The following NLGN4X variants were observed in gnomAD, a reference collection of about 807,000 sequenced individuals.
NLGN4X encodes neuroligin 4 X-linked.
In NLGN4X, 3 loss-of-function variants were observed where a neutral mutation model predicts 40.3. The observed-to-expected ratio is 0.07, with a 90% CI of 0.03 to 0.19. The LOEUF is 0.19. NLGN4X is among the 10% of genes least tolerant of loss of function. The probability of loss-of-function intolerance (pLI) is 1.00; values close to 1 mark genes in which losing one functional copy is unlikely to be tolerated. For synonymous variants in NLGN4X, 270 were observed against 306.8 expected (o/e 0.88, Z 1.25); for missense variants, 382 against 708.3 (o/e 0.54, Z 5.23).
chrX:6,035,203 T>C (rs1370691424), intron 2 of NLGN4X, among the ~76,000 whole-genome samples: 1 of 112,216 alleles, frequency 8.9e-6, no homozygotes, highest in Non-Finnish European at 1.9e-5. Context: ...ATTGGGAATA[T>C]GGTTGGCAAA....
At chrX:5,950,849 G>T (rs1459700820) in intron 3 of NLGN4X, among the ~76,000 whole-genome samples, 1 of 111,732 alleles carries the variant, frequency 8.9e-6, no homozygotes, top group African/African-American at 3.3e-5. Context: ...ATTCCCAGCT[G>T]CCTTCACTCT....
intron 2 of NLGN4X, among the ~76,000 whole-genome samples, chrX:6,059,030 A>G (rs1277924713): frequency 1.8e-5 from 2 of 111,419 alleles, no homozygotes; most frequent in Non-Finnish European, 3.8e-5. Flanking sequence ...TATTGATCAA[A>G]GTGAATTAGA....
chrX:6,208,592 C>G (rs1354918544), intron 1 of NLGN4X, among the ~76,000 whole-genome samples: 1 of 112,042 alleles, frequency 8.9e-6, no homozygotes, highest in African/African-American at 3.2e-5. Flanking sequence ...AACCCAAAAA[C>G]CAGTGAAATT....
At chrX:6,149,951 G>A (rs1389292239) in intron 2 of NLGN4X, among the ~76,000 whole-genome samples, 1 of 106,263 alleles carries the variant, frequency 9.4e-6, no homozygotes, top group Non-Finnish European at 1.9e-5. Flanking sequence ...GTTTTCCAGG[G>A]ATTGAAGTTT....
chrX:6,096,965 G>T (rs1371039375), intron 2 of NLGN4X, among the ~76,000 whole-genome samples: 4 of 110,221 alleles, frequency 3.6e-5, no homozygotes, highest in Non-Finnish European at 7.6e-5. Flanking sequence ...GTGTGTGTGT[G>T]TGTGTGTGTG....
In NLGN4X at chrX:6,027,021, T is replaced by C. The variant is rs767350119; in HGVS notation, c.625+2259A>G. On this transcript the variant is annotated intron_variant, in intron 3 of 5. Coordinates refer to ENST00000381095, the MANE Select transcript of NLGN4X (RefSeq NM_181332.3). The stretch of plus-strand genomic sequence containing the variant: ...CTATCTTATCAGACACATCAATTCA[T>C]CACGCATGCAACAGAATATTGTGTG... 2.7e-5 allele frequency among the ~76,000 whole-genome samples: 3 copies of C among 111,821 alleles called. No homozygotes were observed. The South Asian group carries it at 1.1e-3, about 42-fold the overall frequency.
chrX:6,183,080 T>C (rs1337096440), intron 1 of NLGN4X, among the ~76,000 whole-genome samples: 2 of 111,873 alleles, frequency 1.8e-5, no homozygotes, highest in African/African-American at 3.3e-5. Context: ...CATTTCCAAA[T>C]AGAGAAGACA....
At chrX:5,963,602 A>G (rs900509266) in intron 3 of NLGN4X, among the ~76,000 whole-genome samples, 3 of 111,976 alleles carry the variant, frequency 2.7e-5, no homozygotes, top group Non-Finnish European at 3.8e-5. Context: ...TAACACAACT[A>G]ACTGTTCTTA....
At chrX:6,048,736 A>G (rs1183597625) in intron 2 of NLGN4X, among the ~76,000 whole-genome samples, 1 of 110,081 alleles carries the variant, frequency 9.1e-6, no homozygotes, top group African/African-American at 3.3e-5. Flanking sequence ...CAGCAAACTA[A>G]TGCAGGAACA....
chrX:6,128,746 A>G (rs1255982076), intron 2 of NLGN4X, among the ~76,000 whole-genome samples: 1 of 112,324 alleles, frequency 8.9e-6, no homozygotes, highest in Non-Finnish European at 1.9e-5. Context: ...AATGGGATCT[A>G]TACCCCAAAC....
intron 3 of NLGN4X, among the ~76,000 whole-genome samples, chrX:5,929,304 A>G (rs1230047999): frequency 9.1e-6 from 1 of 110,231 alleles, no homozygotes; most frequent in Non-Finnish European, 1.9e-5. Flanking sequence ...CTCTACTAAA[A>G]GAAAATACAA....
intron 3 of NLGN4X, among the ~76,000 whole-genome samples, chrX:5,925,937 T>C (rs1489153755): frequency 1.6e-5 from 1 of 61,602 alleles, no homozygotes; most frequent in Non-Finnish European, 3.0e-5. Context: ...TATATAAACC[T>C]GCGAAGCTTT....
intron 3 of NLGN4X, among the ~76,000 whole-genome samples, chrX:5,952,572 C>T (rs895769875): frequency 4.5e-5 from 5 of 110,507 alleles, no homozygotes; most frequent in Admixed American, 9.6e-5. Flanking sequence ...GTTAGTTATT[C>T]GAATTCCAAT....
intron 2 of NLGN4X, among the ~76,000 whole-genome samples, chrX:6,116,534 GCCC>G (rs2039305564): frequency 1.1e-5 from 1 of 90,669 alleles, no homozygotes; most frequent in African/African-American, 4.2e-5. Context: ...TTCTGCCTCA[GCCC>G]CCGCCTCCCA....
At chrX:6,014,682 G>GT (rs758196034) in intron 3 of NLGN4X, among the ~76,000 whole-genome samples, 1 of 112,023 alleles carries the variant, frequency 8.9e-6, no homozygotes, top group Non-Finnish European at 1.9e-5. Context: ...GTTTCATGGA[G>GT]TAGAAGAGCT....
At position 6,118,438 on chromosome X, in the gene NLGN4X, C is replaced by T. The variant is rs764949830; in HGVS notation, c.472+32557G>A. Among the ~76,000 whole-genome samples the T allele has an allele frequency of 3.8e-4, 42 of 111,759 alleles. 1 individual carries two copies. Among genetic ancestry groups the T allele is most frequent in the Non-Finnish European group, 1.1e-4 (6 of 53,253 alleles). ...TCTCCCTGTTGTCAGCACATGGCAACGCAATTCTTCCAGTTACGGCGGCCA... is the reference window on the plus strand; with the variant it reads ...TCTCCCTGTTGTCAGCACATGGCAATGCAATTCTTCCAGTTACGGCGGCCA... On this transcript the variant is annotated intron_variant, in intron 2 of 5. Transcript: ENST00000381095.
At chrX:6,119,519 C>T (rs1332013162) in intron 2 of NLGN4X, among the ~76,000 whole-genome samples, 1 of 110,950 alleles carries the variant, frequency 9.0e-6, no homozygotes, top group Non-Finnish European at 1.9e-5. Context: ...TAAGGTTGAC[C>T]ATCTATGAGT....
intron 3 of NLGN4X, among the ~76,000 whole-genome samples, chrX:5,989,067 CA>C (rs2035607000): frequency 2.7e-5 from 2 of 75,205 alleles, no homozygotes; most frequent in African/African-American, 1.2e-4. Flanking sequence ...GACTCTGTCT[CA>C]AAAAAATAAA....
intron 2 of NLGN4X, among the ~76,000 whole-genome samples, chrX:6,048,971 A>C (rs1406020800): frequency 9.3e-6 from 1 of 107,584 alleles, no homozygotes; most frequent in Non-Finnish European, 1.9e-5. Context: ...ACACACCTGC[A>C]TGTCCTGCAC....
Sources: gnomAD v4.1 joint callset for allele counts (sites outside exome capture counted in the v4.1 genomes callset) on GRCh38, gnomAD v4.1.1 for gene constraint, MANE v1.5 for transcripts, NCBI Gene and HGNC (gene_info 2026-07-23, HGNC 2026-07-21) for gene names.